Variants in MEI4 observed in about 807,000 individuals in gnomAD.
MEI4 encodes meiotic double-stranded break formation protein 4, also known as meiosis-specific protein MEI4.
MEI4 carries 27 observed loss-of-function variants against 31.4 expected under a neutral mutation model. The observed-to-expected ratio is 0.86, with a 90% confidence interval of 0.63 to 1.19. MEI4 has a LOEUF of 1.19. MEI4 is among the 50% of genes most tolerant of loss of function. The probability of loss-of-function intolerance (pLI) is 0.00; values close to 1 mark genes in which losing one functional copy is unlikely to be tolerated. For synonymous variants in MEI4, 122 were observed against 145.4 expected (o/e 0.84, Z 1.16); for missense variants, 329 against 398.9 (o/e 0.82, Z 1.49).
chr6:77,733,594 AT>A (rs1452990378), intron 2 of MEI4, among the ~76,000 whole-genome samples: 1 of 151,808 alleles, frequency 6.6e-6, no homozygotes, highest in African/African-American at 2.4e-5. Context: ...GGATTGATTA[AT>A]TTTTTGAAGG....
chr6:77,856,600 C>T (rs189372649), intron 4 of MEI4, among the ~76,000 whole-genome samples: 2 of 152,294 alleles, frequency 1.3e-5, no homozygotes, highest in Admixed American at 6.5e-5. Flanking sequence ...ACCCTGTCAT[C>T]TCCAGCTATA....
chr6:77,810,459 A>G (rs1769549284), intron 3 of MEI4, among the ~76,000 whole-genome samples: 1 of 152,048 alleles, frequency 6.6e-6, no homozygotes, highest in Admixed American at 6.6e-5. Flanking sequence ...GAGTATGATC[A>G]TACAGGTGAG....
At chr6:77,803,456 GCTT>G (rs1263598464) in intron 3 of MEI4, among the ~76,000 whole-genome samples, 2 of 152,056 alleles carry the variant, frequency 1.3e-5, no homozygotes, top group East Asian at 1.9e-4. Flanking sequence ...TCGTCTGAAG[GCTT>G]CTTCTCTCAA....
chr6:77,814,317 T>C (rs554785982), intron 3 of MEI4, among the ~76,000 whole-genome samples: 1 of 152,048 alleles, frequency 6.6e-6, no homozygotes, highest in South Asian at 2.1e-4. Flanking sequence ...TCTTCAGGAG[T>C]CCAGAGAGAT....
chr6:77,652,725 A>G (rs1768322594), upstream of MEI4, among the ~76,000 whole-genome samples: 1 of 152,114 alleles, frequency 6.6e-6, no homozygotes, highest in Admixed American at 6.5e-5. Flanking sequence ...TGGCTTATCT[A>G]TCCATTCATG....
At chr6:77,867,427 A>C (rs959293662) in intron 4 of MEI4, among the ~76,000 whole-genome samples, 2 of 152,238 alleles carry the variant, frequency 1.3e-5, no homozygotes, top group African/African-American at 4.8e-5. Flanking sequence ...GACACTTCTC[A>C]AAAGAAGACA....
chr6:77,843,598 C>T (rs1477454482), intron 4 of MEI4, among the ~76,000 whole-genome samples: 6 of 151,410 alleles, frequency 4.0e-5, no homozygotes, highest in Non-Finnish European at 7.4e-5. Context: ...CTGGCTAGTT[C>T]GTGCTAGAGG....
chr6:77,766,950 C>T (rs533946262), intron 3 of MEI4, among the ~76,000 whole-genome samples: 67 of 152,256 alleles, frequency 4.4e-4, no homozygotes, highest in African/African-American at 1.6e-3. Context: ...ACAACCTTAT[C>T]CTCTGTGTTT....
rs1354024470 is a variant in MEI4, at chr6:77,734,360, C to T, written c.233-26770C>T. On this transcript the variant is annotated intron_variant, in intron 2 of 4. Transcript: ENST00000684080. ...TATATATTTAGGATAGTTAGCTCTT[C>T]TTGTTGAATTGATCTCTTTACCATT... 3.3e-5 allele frequency among the ~76,000 whole-genome samples: 5 copies of T among 152,034 alleles called. No individual in the cohort carries two copies. The South Asian group carries it at 6.2e-4, about 19-fold the overall frequency.
At chr6:77,801,441 C>A (rs900880489) in intron 3 of MEI4, among the ~76,000 whole-genome samples, 1 of 152,100 alleles carries the variant, frequency 6.6e-6, no homozygotes, top group African/African-American at 2.4e-5. Flanking sequence ...AACCCCAGCT[C>A]CTGGATTCAT....
intron 4 of MEI4, among the ~76,000 whole-genome samples, chr6:77,908,360 T>G (rs1401866949): frequency 6.6e-6 from 1 of 152,204 alleles, no homozygotes; most frequent in Admixed American, 6.6e-5. Context: ...TTCAGCTTTC[T>G]ACATATGGTT....
chr6:77,864,672 T>C (rs887615328), intron 4 of MEI4, among the ~76,000 whole-genome samples: 4 of 152,082 alleles, frequency 2.6e-5, no homozygotes, highest in Non-Finnish European at 5.9e-5. Context: ...GACAGATCAA[T>C]GAGACAGAAA....
At chr6:77,756,886 A>G (rs1451477909) in intron 2 of MEI4, among the ~76,000 whole-genome samples, 1 of 152,170 alleles carries the variant, frequency 6.6e-6, no homozygotes, top group South Asian at 2.1e-4. Context: ...AGATGATTCT[A>G]TTGTTTAGTG....
At chr6:77,886,557 A>C (rs993864178) in intron 4 of MEI4, among the ~76,000 whole-genome samples, 2 of 151,998 alleles carry the variant, frequency 1.3e-5, no homozygotes, top group South Asian at 2.1e-4. Flanking sequence ...CAGCCTCCCA[A>C]GTAGCTGGAA....
At chr6:77,740,406 G>A (rs191358695) in intron 2 of MEI4, among the ~76,000 whole-genome samples, 4 of 152,162 alleles carry the variant, frequency 2.6e-5, no homozygotes, top group African/African-American at 7.2e-5. Flanking sequence ...ACTGTCAGTG[G>A]GGTGCTGAAG....
chr6:77,797,453 T>C (rs1052886407), intron 3 of MEI4, among the ~76,000 whole-genome samples: 8 of 152,024 alleles, frequency 5.3e-5, no homozygotes, highest in African/African-American at 1.7e-4. Context: ...GCTTACACGA[T>C]CATAAGGCAA....
intron 2 of MEI4, among the ~76,000 whole-genome samples, chr6:77,735,547 C>G (rs1440770644): frequency 5.9e-5 from 9 of 151,904 alleles, no homozygotes; most frequent in Admixed American, 5.9e-4. Context: ...AAATTTTTTT[C>G]AAAGTTTTCA....
chr6:77,671,817 A>G (rs1768747218), intron 1 of MEI4, among the ~76,000 whole-genome samples: 1 of 152,178 alleles, frequency 6.6e-6, no homozygotes, highest in Admixed American at 6.5e-5. Context: ...GGACCTATAC[A>G]TAGGAGATTA....
chr6:77,921,510 CTTTACT>C (rs1766702662), intron 4 of MEI4, among the ~76,000 whole-genome samples: 1 of 151,742 alleles, frequency 6.6e-6, no homozygotes, highest in Non-Finnish European at 1.5e-5. Flanking sequence ...TGGAAGAGAA[CTTTACT>C]TTTAATTTCC....
Sources: gnomAD v4.1 joint callset for allele counts (sites outside exome capture counted in the v4.1 genomes callset) on GRCh38, gnomAD v4.1.1 for gene constraint, MANE v1.5 for transcripts, NCBI Gene and HGNC (gene_info 2026-07-23, HGNC 2026-07-21) for gene names.